The following ACLY variants were observed in gnomAD, a reference collection of about 807,000 sequenced individuals.
ACLY encodes ATP citrate lyase.
In ACLY, 41 loss-of-function variants were observed where a neutral mutation model predicts 133.0. That is an observed-to-expected ratio of 0.31 (90% confidence interval 0.24 to 0.40). ACLY has a LOEUF of 0.40. Among genes scored for constraint, ACLY ranks in the 10% least tolerant of loss-of-function variants. The pLI is 1.00. For synonymous variants in ACLY, 495 were observed against 549.3 expected, an observed-to-expected ratio of 0.90 and a Z score of 1.38; for missense variants, 1,046 against 1,453.8, an observed-to-expected ratio of 0.72 and a Z score of 4.56.
chr17:41,901,827 G>A lies in ACLY; in HGVS notation c.1066-14C>T. On this transcript the variant is annotated splice_polypyrimidine_tract_variant and intron_variant, in intron 10 of 28. Transcript: ENST00000352035. ...TCTCACGATGCCCTGGAAGCCCAAA[G>A]TGACATGTGACTAAAAACAAGGCAG... The A allele has an allele frequency of 6.5e-7, 1 of 1,540,506 alleles. No individual in the cohort carries two copies. The highest frequency in any genetic ancestry group is 1.4e-5 in the African/African-American group (1 of 72,434).
upstream of ACLY, among the ~76,000 whole-genome samples, chr17:41,922,222 CA>C (rs1346534889): frequency 3.4e-5 from 5 of 146,886 alleles, no homozygotes; most frequent in East Asian, 2.1e-4. Flanking sequence ...ACTAAAAATA[CA>C]AAAAAAATAG....
intron 16 of ACLY, among the ~76,000 whole-genome samples, chr17:41,890,914 G>A (rs1042100565): frequency 7.9e-4 from 118 of 149,450 alleles, no homozygotes; most frequent in African/African-American, 2.8e-3. Flanking sequence ...GCTGAGGCAC[G>A]AGAATCACTT....
rs781803399 is a variant in ACLY at position 41,878,096 on chromosome 17, C to T, written c.2487+7G>A. On this transcript the variant is annotated splice_region_variant and intron_variant, in intron 22 of 28. Coordinates refer to ENST00000352035, the MANE Select transcript of ACLY (RefSeq NM_001096.3). ...CTCACACTGTTAGAGACATTTAAGG[C>T]ACCTACCCTGGCCCAGGAGTAGTCC... 3.3e-6 allele frequency: 5 copies of T among 1,530,992 alleles called. No individual in the cohort carries two copies. In the South Asian group the frequency reaches 6.3e-5, roughly 19 times the overall value. 94.8% of individuals were successfully genotyped at this position (1,530,992 alleles called of 1,614,324 possible). A position where few individuals can be genotyped will look rare whatever the true frequency, so the allele number is the denominator to read the frequency against.
intron 1 of ACLY, among the ~76,000 whole-genome samples, chr17:41,928,852 TAAAAAA>T (rs11428338): frequency 8.3e-6 from 1 of 119,840 alleles, no homozygotes; most frequent in African/African-American, 3.3e-5. Flanking sequence ...GACTCCACCA[TAAAAAA>T]AAAAAAAAAA....
chr17:41,872,083 C>T lies in ACLY; in HGVS notation c.2742G>A (p.Ala914=), dbSNP rs369879357. The part of the protein sequence containing the change: ...VSGAHNTIIC[A]RAGKDLVSSL... ...TGGAGACCAGGTCTTTCCCAGCTCGCGCACAAATGATGGTGTTGTGGGCTC... is the reference window on the plus strand; with the variant it reads ...TGGAGACCAGGTCTTTCCCAGCTCGTGCACAAATGATGGTGTTGTGGGCTC... Residue 914 remains alanine, a synonymous_variant, in exon 24 of 29, where the codon GCG becomes GCA. Transcript: ENST00000352035. 3.1e-5 allele frequency: 50 copies of T among 1,613,952 alleles called. No individual in the cohort carries two copies. The highest frequency in any genetic ancestry group is 6.7e-5 in the African/African-American group (5 of 74,896).
chr17:41,914,208 C>G (rs2049986731), intron 1 of ACLY, among the ~76,000 whole-genome samples: 1 of 152,238 alleles, frequency 6.6e-6, no homozygotes, highest in African/African-American at 2.4e-5. Context: ...TGATCCACAA[C>G]CACACTCATC....
intron 1 of ACLY, among the ~76,000 whole-genome samples, chr17:41,928,535 CT>C (rs1423168009): frequency 6.6e-6 from 1 of 151,322 alleles, no homozygotes; most frequent in Non-Finnish European, 1.5e-5. Flanking sequence ...TTAAAATCAG[CT>C]TGTTAATTAC....
At chr17:41,905,734 C>T (rs2049695923) in intron 8 of ACLY, 76 bp from the exon 9 acceptor site, 2 of 1,574,932 alleles carry the variant, frequency 1.3e-6, no homozygotes, top group Non-Finnish European at 1.7e-6. Context: ...TGGGAGGACA[C>T]ACGGATCCCT....
At chr17:41,878,082 A>G in intron 22 of ACLY, 21 bp downstream of exon 22, 3 of 1,505,066 alleles carry the variant, frequency 2.0e-6, no homozygotes, top group Non-Finnish European at 2.7e-6. Context: ...TCACACTGTT[A>G]GAGACATTTA....
intron 5 of ACLY, 127 bp downstream of exon 5, chr17:41,909,383 C>T: frequency 9.6e-7 from 1 of 1,041,184 alleles, no homozygotes; most frequent in Non-Finnish European, 1.4e-6. Context: ...CTGTCTTCCT[C>T]AGGACAGGGC....
At chr17:41,917,616 G>A (rs112918580) in intron 1 of ACLY, among the ~76,000 whole-genome samples, 3,295 of 152,226 alleles carry the variant, frequency 0.022, 66 homozygotes, top group Non-Finnish European at 0.034. Flanking sequence ...CTCATTTGAA[G>A]GTTAGTATCT....
intron 10 of ACLY, among the ~76,000 whole-genome samples, chr17:41,902,500 CACCGCGCCCA>C (rs1795031200): frequency 6.6e-6 from 1 of 152,268 alleles, no homozygotes; most frequent in African/African-American, 2.4e-5. Context: ...AAGCGTGAGC[CACCGCGCCCA>C]GCGCGGTGTA....
chr17:41,909,164 G>C, intron 5 of ACLY, 96 bp from the exon 6 acceptor site: 1 of 945,812 alleles, frequency 1.1e-6, no homozygotes. Flanking sequence ...GCCACCGACA[G>C]CTCCATTTCC....
chr17:41,884,861 G>A (rs2049010088), intron 18 of ACLY, among the ~76,000 whole-genome samples: 2 of 152,092 alleles, frequency 1.3e-5, no homozygotes, highest in South Asian at 4.1e-4. Context: ...AAAAACCTAA[G>A]AACACACACA....
chr17:41,879,631 G>T (rs571393463), intron 20 of ACLY, among the ~76,000 whole-genome samples: 1 of 77,364 alleles, frequency 1.3e-5, no homozygotes, highest in African/African-American at 5.2e-5. Flanking sequence ...AGGGTGATAA[G>T]AGCAAGACTC....
intron 10 of ACLY, 120 bp from the exon 11 acceptor site, chr17:41,901,933 A>C (rs1219364649): frequency 6.5e-6 from 5 of 767,704 alleles, no homozygotes; most frequent in Non-Finnish European, 1.1e-5. Flanking sequence ...GAAGCACAGG[A>C]CTACGCATAA....
rs769677609 is a variant in ACLY, at chr17:41,906,587, C to T, written c.807G>A (p.Leu269=). ...KSGASLKLTL[L]NPKGRIWTMV... ...TGGTCCAGATCCTCCCTTTGGGGTTCAGCAAGGTCAGCTTCAGGCTTGCCC... is the reference window on the plus strand; with the variant it reads ...TGGTCCAGATCCTCCCTTTGGGGTTTAGCAAGGTCAGCTTCAGGCTTGCCC... Residue 269 remains leucine (L), a synonymous_variant, in exon 8 of 29, where the codon CTG becomes CTA. Transcript: ENST00000352035. The T allele has an allele frequency of 4.3e-6, 7 of 1,614,212 alleles. No individual in the cohort carries two copies. Among genetic ancestry groups the T allele is most frequent in the Non-Finnish European group, 4.2e-6 (5 of 1,180,042 alleles).
chr17:41,900,069 CAAAAAAAAAAAAAA>C (rs60296550), intron 11 of ACLY, among the ~76,000 whole-genome samples: 4,724 of 46,678 alleles, frequency 0.1, 381 homozygotes, highest in African/African-American at 0.29. Flanking sequence ...ACCCTGTCTC[CAAAAAAAAAAAAAA>C]AAAAAAAAAA....
Position 41,872,140 on chromosome 17 carries a change from C to T in ACLY, c.2685G>A (p.Met895Ile). The T allele has an allele frequency of 6.2e-7, 1 of 1,614,040 alleles. No individual in the cohort carries two copies. The highest frequency in any genetic ancestry group is 8.5e-7 in the Non-Finnish European group (1 of 1,180,010). ...CGGCTGGCCCGTGATCAGCTGTCAC[C>T]ATCAGACACATCTCAATGAACTGGC... ...YSCQFIEMCL[M>I]VTADHGPAVS... is the part of the protein sequence containing the mutation. Residue 895 changes from methionine to isoleucine, a missense_variant, in exon 24 of 29, where the codon ATG becomes ATA. Coordinates refer to ENST00000352035, the MANE Select transcript of ACLY (RefSeq NM_001096.3).
Sources: allele counts gnomAD v4.1 joint callset (sites outside exome capture counted in the v4.1 genomes callset), GRCh38; gene constraint gnomAD v4.1.1; transcripts MANE v1.5; gene names NCBI Gene and HGNC (gene_info 2026-07-23, HGNC 2026-07-21).